Variants in CORO2B observed in about 807,000 individuals in gnomAD.
The protein encoded by CORO2B is coronin-2B.
Under a neutral mutation model 58.8 loss-of-function variants are expected in CORO2B, and 26 were observed. That is an observed-to-expected ratio of 0.44 (90% CI 0.32 to 0.61). The LOEUF (loss-of-function observed/expected upper bound fraction) is 0.61, where lower values mean the gene tolerates loss of function less well. Ranked by LOEUF, CORO2B falls within the 20% of genes least tolerant of loss-of-function variation. CORO2B has a pLI of 0.04. For synonymous variants in CORO2B, 242 were observed against 253.8 expected (o/e 0.95, Z 0.44); for missense variants, 460 against 645.1 (o/e 0.71, Z 3.11).
At chr15:68,703,150 CTTTTT>C (rs57404468) in intron 3 of CORO2B, among the ~76,000 whole-genome samples, 4 of 100,144 alleles carry the variant, frequency 4.0e-5, no homozygotes, top group Non-Finnish European at 6.0e-5. Flanking sequence ...TTCTTTTTTT[CTTTTT>C]TTTTTTTTTT....
At chr15:68,526,210 T>C in the CORO2B span, among the ~76,000 whole-genome samples, 3 of 152,212 alleles carry the variant, frequency 2.0e-5, no homozygotes, top group Non-Finnish European at 4.4e-5. Flanking sequence ...TTTTTGGTTT[T>C]TATTAAGATG....
intron 11 of CORO2B, among the ~76,000 whole-genome samples, chr15:68,722,090 TAG>T (rs1893175872): frequency 6.6e-6 from 1 of 152,182 alleles, no homozygotes; most frequent in African/African-American, 2.4e-5. Context: ...TCTTTGAAGA[TAG>T]AGACACAGGG....
intron 1 of CORO2B, among the ~76,000 whole-genome samples, chr15:68,587,383 C>T (rs1297512126): frequency 1.3e-5 from 2 of 152,150 alleles, no homozygotes; most frequent in East Asian, 3.9e-4. Context: ...TGTGGAGGCT[C>T]ACCCTGGGTA....
chr15:68,551,276 C>T, the CORO2B span, among the ~76,000 whole-genome samples: 1 of 152,114 alleles, frequency 6.6e-6, no homozygotes, highest in Admixed American at 6.5e-5. Context: ...GCCTGACCCC[C>T]AGCCTACCTC....
chr15:68,653,929 C>G (rs539806904), intron 2 of CORO2B, among the ~76,000 whole-genome samples: 2 of 151,974 alleles, frequency 1.3e-5, no homozygotes, highest in East Asian at 1.9e-4. Flanking sequence ...CAAGGGAATT[C>G]AGAGAGCCTT....
chr15:68,570,633 G>C, the CORO2B span, among the ~76,000 whole-genome samples: 1 of 152,098 alleles, frequency 6.6e-6, no homozygotes, highest in African/African-American at 2.4e-5. Flanking sequence ...TTGTTCTCTT[G>C]TGAAGTACAA....
At chr15:68,520,691 A>T in the CORO2B span, among the ~76,000 whole-genome samples, 1 of 152,216 alleles carries the variant, frequency 6.6e-6, no homozygotes, top group Non-Finnish European at 1.5e-5. Context: ...TCGGCACATT[A>T]ATGTGGTTCA....
chr15:68,652,612 G>C (rs1461063070), intron 2 of CORO2B, among the ~76,000 whole-genome samples: 3 of 152,194 alleles, frequency 2.0e-5, no homozygotes, highest in East Asian at 1.9e-4. Flanking sequence ...CTGTACACCG[G>C]GTCTCTGGGG....
the CORO2B span, among the ~76,000 whole-genome samples, chr15:68,519,027 C>G: frequency 7.4e-4 from 112 of 152,284 alleles, no homozygotes; most frequent in African/African-American, 2.6e-3. Flanking sequence ...AGAGTATGCA[C>G]GGCCCAGGAC....
At chr15:68,665,153 T>A (rs1365171144) in intron 2 of CORO2B, among the ~76,000 whole-genome samples, 3 of 152,238 alleles carry the variant, frequency 2.0e-5, no homozygotes, top group African/African-American at 7.2e-5. Context: ...TGAACTTATC[T>A]TGGTGTAAAG....
chr15:68,666,715 G>A (rs1029457656), intron 2 of CORO2B, among the ~76,000 whole-genome samples: 24 of 152,212 alleles, frequency 1.6e-4, no homozygotes, highest in African/African-American at 5.5e-4. Flanking sequence ...GCAGGGAAGG[G>A]GCCAAGGGAG....
At chr15:68,518,421 C>A in the CORO2B span, among the ~76,000 whole-genome samples, 1 of 152,174 alleles carries the variant, frequency 6.6e-6, no homozygotes, top group Non-Finnish European at 1.5e-5. Flanking sequence ...CTTCTTCCCT[C>A]CCCTGTCCTC....
intron 1 of CORO2B, among the ~76,000 whole-genome samples, chr15:68,581,061 G>A (rs908796402): frequency 2.0e-5 from 3 of 152,156 alleles, no homozygotes; most frequent in Non-Finnish European, 2.9e-5. Context: ...CCTGGCTACT[G>A]GGGGACTTCC....
the CORO2B span, among the ~76,000 whole-genome samples, chr15:68,571,248 C>T: frequency 6.6e-6 from 1 of 152,320 alleles, no homozygotes; most frequent in South Asian, 2.1e-4. Flanking sequence ...ATATTCAGTA[C>T]TCAGTACATG....
At chr15:68,625,942 G>C (rs1900668500) in intron 1 of CORO2B, among the ~76,000 whole-genome samples, 1 of 152,156 alleles carries the variant, frequency 6.6e-6, no homozygotes, top group African/African-American at 2.4e-5. Context: ...GTGGTGTTGT[G>C]GGTATCAGTA....
At chr15:68,634,650 G>T (rs1315254859) in intron 1 of CORO2B, among the ~76,000 whole-genome samples, 1 of 152,188 alleles carries the variant, frequency 6.6e-6, no homozygotes, top group Non-Finnish European at 1.5e-5. Context: ...TAGGGATGCA[G>T]ATTCTCGGGC....
At chr15:68,632,135 G>A in intron 1 of CORO2B, 1 of 985,524 alleles carries the variant, frequency 1.0e-6, no homozygotes, top group Non-Finnish European at 1.2e-6. Context: ...GCTGCAGCGG[G>A]GTCTCTGGGA....
intron 2 of CORO2B, among the ~76,000 whole-genome samples, chr15:68,657,964 G>A (rs1901870627): frequency 6.6e-6 from 1 of 152,218 alleles, no homozygotes; most frequent in Non-Finnish European, 1.5e-5. Flanking sequence ...GCTGAAAGTT[G>A]GTGGGGAGGG....
intron 8 of CORO2B, among the ~76,000 whole-genome samples, chr15:68,715,552 G>C (rs901296342): frequency 1.3e-5 from 2 of 152,228 alleles, no homozygotes; most frequent in Admixed American, 6.5e-5. Context: ...TGTGCTCTGC[G>C]TCTGCACTCC....
Sources: gnomAD v4.1 joint callset for allele counts (sites outside exome capture counted in the v4.1 genomes callset) on GRCh38, gnomAD v4.1.1 for gene constraint, MANE v1.5 for transcripts, NCBI Gene and HGNC (gene_info 2026-07-23, HGNC 2026-07-21) for gene names.